The following ZFHX3 variants were observed in gnomAD, a reference collection of about 807,000 sequenced individuals.
ZFHX3 encodes zinc finger homeobox protein 3.
ZFHX3 carries 42 observed loss-of-function variants against 279.1 expected under a neutral mutation model. That is an observed-to-expected ratio of 0.15 (90% CI 0.12 to 0.19). The LOEUF (loss-of-function observed/expected upper bound fraction) is 0.19, where lower values mean the gene tolerates loss of function less well. ZFHX3 is among the 10% of genes least tolerant of loss of function. The pLI, the probability that ZFHX3 is intolerant of heterozygous loss-of-function variation, is 1.00. For missense variants in ZFHX3, 4,981 were observed against 4,754.0 expected (o/e 1.05, Z -1.40); for synonymous variants, 2,293 against 1,957.8 (o/e 1.17, Z -4.52).
chr16:73,223,481 T>C (rs1223157627), intron 5 of ZFHX3, among the ~76,000 whole-genome samples: 3 of 152,120 alleles, frequency 2.0e-5, no homozygotes, highest in South Asian at 2.1e-4. Flanking sequence ...CTCCATGTCA[T>C]ATATCATCAA....
intron 1 of ZFHX3, among the ~76,000 whole-genome samples, chr16:73,039,040 C>T (rs368632861): frequency 2.0e-4 from 30 of 151,686 alleles, no homozygotes; most frequent in African/African-American, 6.8e-4. Context: ...GCTCAAACCT[C>T]TGGGCTCAAG....
At chr16:73,782,783 T>A (rs767285852) in intron 1 of ZFHX3, among the ~76,000 whole-genome samples, 2 of 152,180 alleles carry the variant, frequency 1.3e-5, no homozygotes, top group Non-Finnish European at 2.9e-5. Flanking sequence ...ATGACAGACC[T>A]GAAAGACTGG....
At chr16:73,247,946 A>G (rs2013349771) in intron 5 of ZFHX3, among the ~76,000 whole-genome samples, 1 of 150,928 alleles carries the variant, frequency 6.6e-6, no homozygotes, top group South Asian at 2.1e-4. Context: ...GTGTTCGTAT[A>G]CTATGTATAT....
chr16:72,827,683 G>A (rs901707034), intron 5 of ZFHX3, among the ~76,000 whole-genome samples: 2 of 152,158 alleles, frequency 1.3e-5, no homozygotes, highest in African/African-American at 2.4e-5. Context: ...AGGAGGATAC[G>A]TCCCCCACTA....
intron 3 of ZFHX3, among the ~76,000 whole-genome samples, chr16:73,406,119 CCATCAGATGCCTGCGCAT>C (rs1057507705): frequency 1.3e-5 from 2 of 152,258 alleles, no homozygotes; most frequent in African/African-American, 4.8e-5. Flanking sequence ...TCAGGATGCC[CCATCAGATGCCTGCGCAT>C]CAGCTGCAAA....
At chr16:72,834,837 A>G (rs1399899881) in intron 4 of ZFHX3, among the ~76,000 whole-genome samples, 1 of 152,208 alleles carries the variant, frequency 6.6e-6, no homozygotes, top group Non-Finnish European at 1.5e-5. Context: ...TATTTTCCCA[A>G]ATAATGGGGG....
At chr16:72,927,010 G>A (rs1300416286) in intron 3 of ZFHX3, among the ~76,000 whole-genome samples, 1 of 152,220 alleles carries the variant, frequency 6.6e-6, no homozygotes, top group African/African-American at 2.4e-5. Context: ...AGCTGGAGGA[G>A]AGTCCCAGCA....
chr16:73,358,710 A>G (rs2016385517), intron 3 of ZFHX3, among the ~76,000 whole-genome samples: 1 of 152,244 alleles, frequency 6.6e-6, no homozygotes, highest in South Asian at 2.1e-4. Flanking sequence ...ACAATTTTGC[A>G]ACAGATATGG....
intron 2 of ZFHX3, among the ~76,000 whole-genome samples, chr16:72,951,670 G>A (rs1961007732): frequency 6.6e-6 from 1 of 152,168 alleles, no homozygotes; most frequent in Admixed American, 6.5e-5. Context: ...TTCCAAAATT[G>A]GAAATGAGTC....
intron 3 of ZFHX3, among the ~76,000 whole-genome samples, chr16:73,362,454 G>C (rs1240389251): frequency 5.9e-5 from 9 of 152,172 alleles, no homozygotes. Flanking sequence ...CCAGCTCACG[G>C]GGGATGGTGC....
chr16:73,449,813 T>C (rs1311355744), intron 3 of ZFHX3, among the ~76,000 whole-genome samples: 1 of 152,138 alleles, frequency 6.6e-6, no homozygotes, highest in Non-Finnish European at 1.5e-5. Context: ...GTTAAAGTAA[T>C]CGATCTAGAA....
intron 1 of ZFHX3, among the ~76,000 whole-genome samples, chr16:73,755,921 G>A (rs1200146219): frequency 2.0e-5 from 3 of 152,166 alleles, no homozygotes; most frequent in Admixed American, 6.5e-5. Context: ...CCTCTCCCAC[G>A]GCCGGGTGAC....
chr16:73,006,776 C>A (rs1435442085), intron 1 of ZFHX3, among the ~76,000 whole-genome samples: 1 of 152,110 alleles, frequency 6.6e-6, no homozygotes, highest in East Asian at 1.9e-4. Context: ...TCCCATAGAT[C>A]CCGAAAATCT....
intron 2 of ZFHX3, among the ~76,000 whole-genome samples, chr16:73,614,488 TA>T (rs1203583645): frequency 1.3e-5 from 2 of 152,144 alleles, no homozygotes; most frequent in Non-Finnish European, 2.9e-5. Context: ...AAGCTTAAAA[TA>T]AAAAATGAAA....
intron 3 of ZFHX3, among the ~76,000 whole-genome samples, chr16:73,358,358 G>C (rs1389341887): frequency 6.6e-6 from 1 of 152,220 alleles, no homozygotes; most frequent in African/African-American, 2.4e-5. Flanking sequence ...TCCATCACTT[G>C]CTCTGATGTG....
At chr16:73,792,861 C>T (rs1392078306) in intron 1 of ZFHX3, among the ~76,000 whole-genome samples, 1 of 146,362 alleles carries the variant, frequency 6.8e-6, no homozygotes, top group African/African-American at 2.6e-5. Context: ...AGTGCACCCC[C>T]CCCCTCCCCT....
chr16:73,424,697 T>C (rs1384868286), intron 3 of ZFHX3, among the ~76,000 whole-genome samples: 1 of 132,270 alleles, frequency 7.6e-6, no homozygotes, highest in African/African-American at 3.0e-5. Flanking sequence ...GAGGCTGCAG[T>C]GAGCTATGAT....
chr16:73,776,553 T>C (rs1959249527), intron 1 of ZFHX3, among the ~76,000 whole-genome samples: 1 of 152,126 alleles, frequency 6.6e-6, no homozygotes, highest in Admixed American at 6.6e-5. Context: ...ACCGCGTTAA[T>C]GCCAGGGACC....
chr16:73,268,854 G>C (rs1185412536), intron 4 of ZFHX3, among the ~76,000 whole-genome samples: 1 of 152,110 alleles, frequency 6.6e-6, no homozygotes, highest in Non-Finnish European at 1.5e-5. Flanking sequence ...GCGAGCAACA[G>C]GGAACCCAAG....
Sources: allele counts gnomAD v4.1 joint callset (sites outside exome capture counted in the v4.1 genomes callset), GRCh38; gene constraint gnomAD v4.1.1; transcripts MANE v1.5; gene names NCBI Gene and HGNC (gene_info 2026-07-23, HGNC 2026-07-21).